ATP8B3: variants seen among roughly 807,000 people sequenced by gnomAD.
The protein encoded by ATP8B3 is ATPase phospholipid transporting 8B3.
In ATP8B3, 141 loss-of-function variants were observed where a neutral mutation model predicts 140.9. That is an observed-to-expected ratio of 1.00 (90% CI 0.87 to 1.15). The LOEUF is 1.15. Among genes scored for constraint, ATP8B3 ranks in the 50% most tolerant of loss-of-function variants. ATP8B3 has a pLI of 0.00. For missense variants in ATP8B3, 1,874 were observed against 1,740.6 expected (o/e 1.08, Z -1.36); for synonymous variants, 765 against 714.6 (o/e 1.07, Z -1.13).
intron 18 of ATP8B3, among the ~76,000 whole-genome samples, chr19:1,795,094 A>T (rs549414117): frequency 6.6e-6 from 1 of 152,014 alleles, no homozygotes; most frequent in African/African-American, 2.4e-5. Flanking sequence ...CATCTCTACT[A>T]AAAATACAAA....
rs1320248929 is a variant in ATP8B3 at position 1,789,565 on chromosome 19, G to A, written c.2641C>T (p.Pro881Ser). 9 of 1,594,706 alleles carry A rather than the reference G, an allele frequency of 5.6e-6. No individual in the cohort carries two copies. The highest frequency in any genetic ancestry group is 6.8e-6 in the Non-Finnish European group (8 of 1,176,804). Residue 881 changes from proline (P) to serine (S), a missense_variant, in exon 23 of 29, where the codon CCA becomes TCA. Around this residue, in one of 3 missense-constraint regions of ATP8B3, gnomAD observed 840 missense variants for 760.9 expected, o/e 1.10. Coordinates refer to ENST00000310127, the MANE Select transcript of ATP8B3 (RefSeq NM_138813.4). ...RRFGLPLAAPPAQDSRARRSS... is the reference protein window; with the variant it reads ...RRFGLPLAAPSAQDSRARRSS... Reference sequence around the variant, plus strand: ...CGGCGGGCTCTGGAGTCCTGGGCTGGCGGTGCAGCCAGCGGGAGCCCGAAC... The same window carrying A: ...CGGCGGGCTCTGGAGTCCTGGGCTGACGGTGCAGCCAGCGGGAGCCCGAAC...
In ATP8B3 at chr19:1,800,171, GGGTCAC is replaced by G; in HGVS notation, c.1344-22_1344-17del. ...GAACTCGGACCTGCAGAGGCACTCAGGGTCACGGTCAGCCCCGCCTGCTGTGTGCCA... is the reference window on the plus strand; with the variant it reads ...GAACTCGGACCTGCAGAGGCACTCAGGGTCAGCCCCGCCTGCTGTGTGCCA... On this transcript the variant is annotated splice_polypyrimidine_tract_variant and intron_variant, in intron 13 of 28. Transcript: ENST00000310127. The surrounding 1 kb of genome is among the most constrained non-coding windows in gnomAD (Gnocchi z 4.4). 3 of 1,564,124 alleles carry G rather than the reference GGGTCAC, an allele frequency of 1.9e-6. No homozygotes were observed. Among genetic ancestry groups the G allele is most frequent in the Non-Finnish European group, 2.6e-6 (3 of 1,153,876 alleles).
chr19:1,801,644 C>T (rs946517513), intron 12 of ATP8B3, among the ~76,000 whole-genome samples: 1 of 151,958 alleles, frequency 6.6e-6, no homozygotes, highest in Non-Finnish European at 1.5e-5. Context: ...CCCAGCTACT[C>T]GAGGGGCTGA....
At chr19:1,789,292 C>G (rs2052738850) in intron 23 of ATP8B3, 69 bp downstream of exon 23, 9 of 1,342,558 alleles carry the variant, frequency 6.7e-6, no homozygotes, top group Non-Finnish European at 7.9e-6. Context: ...TCCCCCCAGT[C>G]CCACCACCGC....
At chr19:1,785,829 A>C in intron 25 of ATP8B3, 121 bp from the exon 26 acceptor site, 1 of 1,144,506 alleles carries the variant, frequency 8.7e-7, no homozygotes, top group Non-Finnish European at 1.2e-6. Flanking sequence ...TTTGAGTTTA[A>C]GTGAGTTAAA....
intron 24 of ATP8B3, among the ~76,000 whole-genome samples, chr19:1,788,544 G>A (rs748091336): frequency 1.3e-4 from 20 of 152,070 alleles, no homozygotes; most frequent in Non-Finnish European, 2.5e-4. Flanking sequence ...CAGCTACTTG[G>A]GAGGTGGAGG....
intron 11 of ATP8B3, 131 bp from the exon 12 acceptor site, chr19:1,802,175 T>TC (rs1833104639): frequency 8.1e-6 from 2 of 246,228 alleles, no homozygotes; most frequent in South Asian, 6.4e-5. Context: ...CACCCATCAC[T>TC]CACCCATCCA....
At chr19:1,787,251 C>T in intron 24 of ATP8B3, 65 bp from the exon 25 acceptor site, 1 of 1,393,840 alleles carries the variant, frequency 7.2e-7, no homozygotes. Context: ...GCCTGCCAAG[C>T]AGGCACCCAG....
chr19:1,796,124 A>G lies in ATP8B3; in HGVS notation c.1895T>C (p.Leu632Pro). The change falls in exon 17 of 29, where the codon CTG becomes CCG. Residue 632 changes from leucine (L) to proline (P), a missense_variant. Around this residue, in one of 3 missense-constraint regions of ATP8B3, gnomAD observed 1,032 missense variants for 963.6 expected, o/e 1.07. Coordinates refer to ENST00000310127, the MANE Select transcript of ATP8B3 (RefSeq NM_138813.4). ...CGTGCTGTTGAAGTCCATTATGGCC[A>G]GGACCTGGTAGACCCGTTCCTCCCC... ...ELGEERVYQV[L>P]AIMDFNSTRK... 2 of 1,613,036 alleles carry G rather than the reference A, an allele frequency of 1.2e-6. No individual in the cohort carries two copies. The highest frequency in any genetic ancestry group is 8.5e-7 in the Non-Finnish European group (1 of 1,179,858).
chr19:1,810,193 G>A (rs1262773086), intron 3 of ATP8B3, among the ~76,000 whole-genome samples: 1 of 152,250 alleles, frequency 6.6e-6, no homozygotes, highest in Non-Finnish European at 1.5e-5. Context: ...GAAACCAAAT[G>A]AGAATCCTAG....
chr19:1,811,706 TC>T lies in ATP8B3; in HGVS notation c.30del (p.Ser11AlafsTer23). ...CTTGGCTCAGGGCCAGCTCTGGTGC[TC>T]CTGGGAGTCTGAGCGGGGCCAGTGC... MGTGPAQTP[R>X]STRAGPEPSP... On this transcript the variant is annotated frameshift_variant, in exon 2 of 29. Transcript: ENST00000310127. LOFTEE classifies it high-confidence loss of function. 1 of 1,603,198 alleles carries T rather than the reference TC, an allele frequency of 6.2e-7. No homozygotes were observed. Among genetic ancestry groups the T allele is most frequent in the Non-Finnish European group, 8.5e-7 (1 of 1,178,308 alleles).
At position 1,800,490 on chromosome 19, in the gene ATP8B3, G is replaced by A; in HGVS notation, c.1153-41C>T. On this transcript the variant is annotated intron_variant, in intron 12 of 28. Coordinates refer to ENST00000310127, the MANE Select transcript of ATP8B3 (RefSeq NM_138813.4). This position sits in a 1 kb window ranked among gnomAD's most constrained non-coding sequence, Gnocchi z 4.4. ...GACAGGGTGGGTGAGGGGGGCGGGG[G>A]TCCCCCACTCTGCCATCAGGATGGG... 6.4e-7 allele frequency: 1 copy of A among 1,561,684 alleles called. No individual in the cohort carries two copies. The highest frequency in any genetic ancestry group is 8.8e-7 in the Non-Finnish European group (1 of 1,141,504).
chr19:1,792,099 C>T lies in ATP8B3; in HGVS notation c.2092G>A (p.Ala698Thr). 6.3e-7 allele frequency: 1 copy of T among 1,575,070 alleles called. No individual in the cohort carries two copies. Among genetic ancestry groups the T allele is most frequent in the Non-Finnish European group, 8.6e-7 (1 of 1,164,790 alleles). The part of the protein sequence containing the change: ...AQETLRTLCL[A>T]YREVAEDIYE... ...ATGTCCTCAGCCACCTCCCTGTAGGCCAGGCACAGTGTCCGCAGGGTCTCC... is the reference window on the plus strand; with the variant it reads ...ATGTCCTCAGCCACCTCCCTGTAGGTCAGGCACAGTGTCCGCAGGGTCTCC... Residue 698 changes from alanine (A) to threonine (T), a missense_variant, in exon 19 of 29, where the codon GCC (alanine) becomes ACC (threonine). Physicochemically the swap from Ala to Thr is moderately conservative, Grantham distance 58. This residue lies in a region of ATP8B3 where 1,032 missense variants were observed against 963.6 expected (regional missense o/e 1.07). Transcript: ENST00000310127.
rs781000811 is a variant in ATP8B3, at chr19:1,796,216, G to A, written c.1803C>T (p.Thr601=). The change falls in exon 17 of 29, where the codon ACC becomes ACT. Residue 601 remains threonine (T), a synonymous_variant. Transcript: ENST00000310127. ...AASPDEGALV[T]AARNFGYVFL... ...ACACGTAGCCGAAGTTCCGGGCTGCGGTGACCAGCGCCCCCTCGTCGGGGG... is the reference window on the plus strand; with the variant it reads ...ACACGTAGCCGAAGTTCCGGGCTGCAGTGACCAGCGCCCCCTCGTCGGGGG... 1.1e-5 allele frequency: 17 copies of A among 1,612,546 alleles called. No homozygotes were observed. The African/African-American group carries it at 1.1e-4, about 10-fold the overall frequency.
Position 1,800,396 on chromosome 19 carries a change from G to T in ATP8B3, c.1206C>A (p.Phe402Leu), listed in dbSNP as rs770593762. The part of the protein sequence containing the change: ...VCLVLAFGFG[F>L]SVKEFKDHHY... ...GGTGGTCTTTGAATTCTTTGACTGA[G>T]AAACCGAAGCCGAAGGCCAACACCA... Residue 402 changes from phenylalanine (F) to leucine (L), a missense_variant, in exon 13 of 29, where the codon TTC becomes TTA. Phe to Leu is a conservative substitution (Grantham distance 22). This residue lies in a region of ATP8B3 where 1,032 missense variants were observed against 963.6 expected (regional missense o/e 1.07). Coordinates refer to ENST00000310127, the MANE Select transcript of ATP8B3 (RefSeq NM_138813.4). This position sits in a 1 kb window ranked among gnomAD's most constrained non-coding sequence, Gnocchi z 4.4. 40 of 1,588,210 alleles carry T rather than the reference G, an allele frequency of 2.5e-5. No individual in the cohort carries two copies. The highest frequency in any genetic ancestry group is 3.3e-5 in the Non-Finnish European group (39 of 1,166,178).
rs367586214 is a variant in ATP8B3, at chr19:1,800,082, C to T, written c.1417G>A (p.Val473Met). ...DVQMYYKPQD[V>M]PAKARSTSLN... Reference sequence around the variant, plus strand: ...CTGGTGCTGCGGGCCTTGGCAGGCACGTCCTGCGGCTTGTAGTACATCTGC... The same window carrying T: ...CTGGTGCTGCGGGCCTTGGCAGGCATGTCCTGCGGCTTGTAGTACATCTGC... Residue 473 changes from valine (V) to methionine (M), a missense_variant, in exon 14 of 29, where the codon GTG (valine) becomes ATG (methionine). By Grantham distance (21) the Val-to-Met change is conservative. This residue lies in a region of ATP8B3 where 1,032 missense variants were observed against 963.6 expected (regional missense o/e 1.07). Coordinates refer to ENST00000310127, the MANE Select transcript of ATP8B3 (RefSeq NM_138813.4). The surrounding 1 kb of genome is among the most constrained non-coding windows in gnomAD (Gnocchi z 4.4). The T allele has an allele frequency of 8.9e-6, 14 of 1,578,806 alleles. No individual in the cohort carries two copies. Among genetic ancestry groups the T allele is most frequent in the South Asian group, 1.2e-5 (1 of 86,628 alleles).
rs565432859 is a variant in ATP8B3, at chr19:1,798,510, A to G, written c.1552+1437T>C. Among the ~76,000 whole-genome samples, 5 of 151,282 alleles carry G rather than the reference A, an allele frequency of 3.3e-5. No homozygotes were observed. The South Asian group carries it at 8.4e-4, about 25-fold the overall frequency. On this transcript the variant is annotated intron_variant, in intron 14 of 28. Transcript: ENST00000310127. ...TCCCAGCACTTTGGGAGGCTGAGGC[A>G]GGCAGATCACGAGGTCAGGAGATCG...
chr19:1,795,027 C>T (rs750383407), intron 18 of ATP8B3, among the ~76,000 whole-genome samples: 15 of 152,158 alleles, frequency 9.9e-5, no homozygotes, highest in Admixed American at 4.6e-4. Context: ...GAGGGCGAGG[C>T]GGGTGGATCA....
Position 1,807,206 on chromosome 19 carries a change from G to C in ATP8B3, c.577C>G (p.Leu193Val). The change falls in exon 6 of 29, where the codon CTC becomes GTC. Residue 193 changes from leucine (L) to valine (V), a missense_variant. This residue lies in a region of ATP8B3 where 1,032 missense variants were observed against 963.6 expected (regional missense o/e 1.07). Coordinates refer to ENST00000310127, the MANE Select transcript of ATP8B3 (RefSeq NM_138813.4). This position sits in a 1 kb window ranked among gnomAD's most constrained non-coding sequence, Gnocchi z 5.9. ...AGGTCCCGGGTGGCACGGATGAAGA[G>C]GAGGCAGACCATAGGGGTACTGAGC... is the stretch of plus-strand genomic sequence containing the variant. The part of the protein sequence containing the change: ...FSLSTPMVCL[L>V]FIRATRDLVD... 1.9e-6 allele frequency: 3 copies of C among 1,613,026 alleles called. No individual in the cohort carries two copies. The highest frequency in any genetic ancestry group is 2.5e-6 in the Non-Finnish European group (3 of 1,179,710).
Sources: allele counts gnomAD v4.1 joint callset (sites outside exome capture counted in the v4.1 genomes callset), GRCh38; gene constraint gnomAD v4.1.1; regional missense constraint gnomAD v4.1.1; non-coding constraint Gnocchi (gnomAD v3.1); transcripts MANE v1.5; gene names NCBI Gene and HGNC (gene_info 2026-07-23, HGNC 2026-07-21).